RSRP1: variants seen among roughly 807,000 people sequenced by gnomAD.
RSRP1 encodes arginine and serine rich protein 1, also known as arginine/serine-rich protein 1.
In RSRP1, 37 loss-of-function variants were observed where a neutral mutation model predicts 33.0. The ratio of observed to expected loss-of-function variants is 1.12; its 90% confidence interval spans 0.86 to 1.48. The LOEUF is 1.48. Among genes scored for constraint, RSRP1 ranks in the 40% most tolerant of loss-of-function variants. The probability of loss-of-function intolerance (pLI) is 0.00; values close to 1 mark genes in which losing one functional copy is unlikely to be tolerated. For synonymous variants in RSRP1, 167 were observed against 158.7 expected (o/e 1.05, Z -0.40); for missense variants, 402 against 385.3 (o/e 1.04, Z -0.36).
At chr1:25,337,112 C>G (rs1645094422) in intron 1 of RSRP1, 2 of 160,126 alleles carry the variant, frequency 1.2e-5, no homozygotes, top group Admixed American at 1.3e-4. Flanking sequence ...CCTCTGTGTT[C>G]TTTCGGGTGC....
chr1:25,245,286 A>G lies in RSRP1; in HGVS notation c.536T>C (p.Leu179Ser). 6.2e-7 allele frequency: 1 copy of G among 1,613,550 alleles called. No individual in the cohort carries two copies. The highest frequency in any genetic ancestry group is 1.1e-5 in the South Asian group (1 of 90,984). ...CGCTGCATTGGTTTTTGCTATTTCTAACAGCTCCATTCGATCTAAAAAAAA... is the reference window on the plus strand; with the variant it reads ...CGCTGCATTGGTTTTTGCTATTTCTGACAGCTCCATTCGATCTAAAAAAAA... ...RLSEKDRMELLEIAKTNAAKA... is the reference protein window; with the variant it reads ...RLSEKDRMELSEIAKTNAAKA... The change falls in exon 3 of 5, where the codon TTA (leucine) becomes TCA (serine). Residue 179 changes from leucine to serine, a missense_variant. Coordinates refer to ENST00000243189, the MANE Select transcript of RSRP1 (RefSeq NM_020317.5).
intron 1 of RSRP1, among the ~76,000 whole-genome samples, chr1:25,261,535 G>C (rs2124562957): frequency 6.6e-6 from 1 of 151,458 alleles, no homozygotes; most frequent in African/African-American, 2.4e-5. Context: ...CTCCCGAGTA[G>C]CTGGGCCTAC....
chr1:25,256,744 C>T (rs1321981821), intron 1 of RSRP1, among the ~76,000 whole-genome samples: 2 of 152,166 alleles, frequency 1.3e-5, no homozygotes, highest in Non-Finnish European at 1.5e-5. Flanking sequence ...AGATTACAGG[C>T]GTGAGTCACC....
rs1170519138 is a variant in RSRP1, at chr1:25,246,999, A to G, written c.-36T>C. The G allele has an allele frequency of 6.6e-7, 1 of 1,519,236 alleles. No homozygotes were observed. Among genetic ancestry groups the G allele is most frequent in the Non-Finnish European group, 8.8e-7 (1 of 1,131,020 alleles). The allele number at this position is 1,519,236 out of a possible 1,614,324, so 94.1% of individuals were successfully genotyped here. ...GGCTTTAGCCTGCGCTTTCTCCGGA[A>G]AGGATCCCGCAAGCCTCAACTCAGG... On this transcript the variant is annotated 5_prime_UTR_variant, in exon 2 of 5. Transcript: ENST00000243189.
At chr1:25,302,241 A>C (rs61083512) in intron 1 of RSRP1, among the ~76,000 whole-genome samples, 2,310 of 129,788 alleles carry the variant, frequency 0.018, 274 homozygotes, top group African/African-American at 0.057. Flanking sequence ...GCTATTAGTA[A>C]AGAGAGACGA....
intron 1 of RSRP1, among the ~76,000 whole-genome samples, chr1:25,259,177 T>C (rs765564059): frequency 6.6e-6 from 1 of 152,080 alleles, no homozygotes; most frequent in African/African-American, 2.4e-5. Flanking sequence ...CACTGCAACC[T>C]CTGCCTCCTG....
rs1643146719 is a variant in RSRP1 at position 25,298,868 on chromosome 1, G to T, written c.-67+39110C>A. Among the ~76,000 whole-genome samples the T allele has an allele frequency of 1.6e-5, 2 of 128,960 alleles. 1 individual carries two copies. Among genetic ancestry groups the T allele is most frequent in the African/African-American group, 5.3e-5 (2 of 37,540 alleles). 84.6% of individuals were successfully genotyped at this position (128,960 alleles called of 152,430 possible). On this transcript the variant is annotated intron_variant, in intron 1 of 1. Coordinates refer to the RSRP1 transcript ENST00000561867. ...AAAATGAAATGGAGAAAAGAAACAC[G>T]AAAAGTTGGGGAGAGAGGATAACTG...
chr1:25,242,753 T>G (rs758320475), intron 4 of RSRP1, 48 bp from the exon 5 acceptor site: 1 of 1,265,734 alleles, frequency 7.9e-7, no homozygotes, highest in Non-Finnish European at 1.1e-6. Flanking sequence ...CATTGTACAC[T>G]TTTTTCACAA....
At chr1:25,285,485 G>C (rs960326903) in intron 1 of RSRP1, among the ~76,000 whole-genome samples, 1 of 135,020 alleles carries the variant, frequency 7.4e-6, no homozygotes, top group Non-Finnish European at 1.8e-5. Flanking sequence ...AATGCTGCTA[G>C]ACAATAAATA....
chr1:25,336,373 C>T (rs1409396306), intron 1 of RSRP1: 1 of 11,402 alleles, frequency 8.8e-5, no homozygotes, highest in East Asian at 0.029. Flanking sequence ...AACAAATATA[C>T]CACAATAATG....
At chr1:25,245,395 TG>T in intron 2 of RSRP1, 94 bp from the exon 3 acceptor site, 17 of 1,414,450 alleles carry the variant, frequency 1.2e-5, no homozygotes, top group Non-Finnish European at 1.6e-5. Flanking sequence ...TGTTATTTTG[TG>T]GTATTAAATA....
In RSRP1 at chr1:25,276,086, A is replaced by G. The variant is rs1425540246; in HGVS notation, c.-66-29057T>C. On this transcript the variant is annotated intron_variant, in intron 1 of 1. Coordinates refer to the RSRP1 transcript ENST00000561867. ...GATTATTCAAACCTGCCAATTCTAA[A>G]AAGACATTTTGAGACAATCAGGAAA... 5.3e-5 allele frequency among the ~76,000 whole-genome samples: 7 copies of G among 132,208 alleles called. 2 individuals are homozygous for G. The highest frequency in any genetic ancestry group is 1.1e-4 in the Non-Finnish European group (6 of 55,892). The allele number at this position is 132,208 out of a possible 152,430, so 86.7% of individuals were successfully genotyped here.
rs189105775 is a variant in RSRP1 at position 25,261,505 on chromosome 1, C to T, written c.-66-14476G>A. On this transcript the variant is annotated intron_variant, in intron 1 of 1. Coordinates refer to the RSRP1 transcript ENST00000561867. ...CTGCAATCTCCGCCTCCCAGGTTCA[C>T]GCCATTCTCTTGCCTCAGTCTCCCG... 4.6e-3 allele frequency among the ~76,000 whole-genome samples: 700 copies of T among 150,874 alleles called. 2 individuals are homozygous for T. Among genetic ancestry groups the T allele is most frequent in the African/African-American group, 0.016 (656 of 41,040 alleles).
At chr1:25,271,670 T>G (rs1305634874) in intron 1 of RSRP1, among the ~76,000 whole-genome samples, 1 of 132,188 alleles carries the variant, frequency 7.6e-6, no homozygotes, top group East Asian at 1.9e-4. Context: ...GGCTGCAGGG[T>G]TAGAACTAAG....
chr1:25,272,180 A>T (rs28710826), intron 1 of RSRP1, among the ~76,000 whole-genome samples: 2 of 112,094 alleles, frequency 1.8e-5, no homozygotes, highest in African/African-American at 5.8e-5. Flanking sequence ...GTATTGATCC[A>T]TTCCTTGCTT....
intron 1 of RSRP1, chr1:25,253,876 G>A (rs1439587686): frequency 6.6e-6 from 1 of 152,242 alleles, no homozygotes; most frequent in Non-Finnish European, 1.5e-5. Flanking sequence ...TCCTCCAACG[G>A]TGGTGGGGGT....
At position 25,290,828 on chromosome 1, in the gene RSRP1, A is replaced by T; in HGVS notation, c.-66-43799T>A. ...TGCTGGGAGGAGGGACCTGGGAGAA[A>T]AGGGCCAAAAGCTCCATTTGGTGGG... On this transcript the variant is annotated intron_variant, in intron 1 of 1. Coordinates refer to the RSRP1 transcript ENST00000561867. 1.5e-6 allele frequency: 2 copies of T among 1,370,104 alleles called. 1 individual carries two copies. Among genetic ancestry groups the T allele is most frequent in the Non-Finnish European group, 2.1e-6 (2 of 972,278 alleles). 84.9% of individuals were successfully genotyped at this position (1,370,104 alleles called of 1,614,324 possible).
intron 1 of RSRP1, among the ~76,000 whole-genome samples, chr1:25,270,063 G>A (rs1449526897): frequency 2.3e-5 from 3 of 131,960 alleles, no homozygotes; most frequent in Admixed American, 7.4e-5. Context: ...GGTTAGCAGA[G>A]GTCACATCCA....
Position 25,306,107 on chromosome 1 carries a change from G to A in RSRP1, c.-67+31871C>T, listed in dbSNP as rs889140220. Among the ~76,000 whole-genome samples the A allele has an allele frequency of 5.3e-5, 7 of 131,288 alleles. 1 individual carries two copies. The highest frequency in any genetic ancestry group is 1.3e-4 in the Non-Finnish European group (7 of 55,692). 86.1% of individuals were successfully genotyped at this position (131,288 alleles called of 152,430 possible). ...GTCTTTGGGATGGTGCTTAAATTTG[G>A]GCTAGACCAGTGGGTCTTGGTCACC... is the stretch of plus-strand genomic sequence containing the variant. On this transcript the variant is annotated intron_variant, in intron 1 of 1. Transcript: ENST00000561867.
Sources: allele counts gnomAD v4.1 joint callset (sites outside exome capture counted in the v4.1 genomes callset), GRCh38; gene constraint gnomAD v4.1.1; transcripts MANE v1.5; gene names NCBI Gene and HGNC (gene_info 2026-07-23, HGNC 2026-07-21).